The following PITPNC1 variants were observed in gnomAD, a reference collection of about 807,000 sequenced individuals.
PITPNC1 encodes the protein cytoplasmic phosphatidylinositol transfer protein 1.
A neutral mutation model predicts 44.7 loss-of-function variants in PITPNC1; 18 were observed. The ratio of observed to expected loss-of-function variants is 0.40; its 90% confidence interval spans 0.28 to 0.60. The LOEUF is 0.60. Ranked by LOEUF, PITPNC1 falls within the 20% of genes least tolerant of loss-of-function variation. The pLI, the probability that PITPNC1 is intolerant of heterozygous loss-of-function variation, is 0.39. For missense variants in PITPNC1, 290 were observed against 418.4 expected (o/e 0.69, Z 2.68); for synonymous variants, 141 against 149.6 (o/e 0.94, Z 0.42).
chr17:67,590,071 C>T (rs187143457), intron 5 of PITPNC1, among the ~76,000 whole-genome samples: 4 of 152,012 alleles, frequency 2.6e-5, no homozygotes, highest in African/African-American at 4.8e-5. Flanking sequence ...TGTGTGGAAA[C>T]GGGGTAGAGA....
chr17:67,409,697 C>G (rs1366109610), intron 1 of PITPNC1, among the ~76,000 whole-genome samples: 1 of 151,940 alleles, frequency 6.6e-6, no homozygotes, highest in East Asian at 1.9e-4. Context: ...CGCCACCACG[C>G]CCAGCTAATT....
At chr17:67,394,575 A>T (rs887476420) in intron 1 of PITPNC1, among the ~76,000 whole-genome samples, 1 of 152,156 alleles carries the variant, frequency 6.6e-6, no homozygotes, top group Non-Finnish European at 1.5e-5. Flanking sequence ...CTCTATTTGT[A>T]GACATCACTA....
At chr17:67,560,569 G>A (rs1375564624) in intron 4 of PITPNC1, among the ~76,000 whole-genome samples, 3 of 152,178 alleles carry the variant, frequency 2.0e-5, no homozygotes, top group Non-Finnish European at 4.4e-5. Context: ...TTGTATGGAC[G>A]AGCCAGTTGC....
At chr17:67,402,239 A>G (rs772338660) in intron 1 of PITPNC1, among the ~76,000 whole-genome samples, 7 of 152,236 alleles carry the variant, frequency 4.6e-5, no homozygotes, top group Non-Finnish European at 1.0e-4. Context: ...ATGCCACGAA[A>G]TATTATGTGC....
At chr17:67,462,044 T>A (rs191076692) in intron 1 of PITPNC1, among the ~76,000 whole-genome samples, 66 of 152,186 alleles carry the variant, frequency 4.3e-4, no homozygotes, top group African/African-American at 1.3e-3. Flanking sequence ...ATGTCCCATT[T>A]GCTTTCACAA....
intron 1 of PITPNC1, among the ~76,000 whole-genome samples, chr17:67,424,159 G>GAA (rs974031689): frequency 2.6e-5 from 4 of 151,082 alleles, no homozygotes; most frequent in African/African-American, 9.7e-5. Flanking sequence ...GATGGACAGA[G>GAA]AAAAAGCAGG....
chr17:67,419,569 C>T (rs1348213258), intron 1 of PITPNC1, among the ~76,000 whole-genome samples: 1 of 152,000 alleles, frequency 6.6e-6, no homozygotes, highest in Non-Finnish European at 1.5e-5. Flanking sequence ...AGGGAAGACA[C>T]TCTTTTTCCT....
intron 7 of PITPNC1, among the ~76,000 whole-genome samples, chr17:67,674,414 G>T (rs2042567025): frequency 6.6e-6 from 1 of 150,614 alleles, no homozygotes; most frequent in Admixed American, 6.7e-5. Flanking sequence ...TAAGGCACAA[G>T]AATCGCTTAA....
At chr17:67,689,037 T>A (rs1248263541) in intron 8 of PITPNC1, among the ~76,000 whole-genome samples, 1 of 152,118 alleles carries the variant, frequency 6.6e-6, no homozygotes, top group African/African-American at 2.4e-5. Context: ...ACCCCGTCTC[T>A]ACTAAAAATA....
chr17:67,470,749 G>T (rs1487585228), intron 1 of PITPNC1, among the ~76,000 whole-genome samples: 1 of 151,960 alleles, frequency 6.6e-6, no homozygotes, highest in Non-Finnish European at 1.5e-5. Flanking sequence ...TGGCGGCTTT[G>T]TGGAATAGAA....
intron 1 of PITPNC1, among the ~76,000 whole-genome samples, chr17:67,438,969 T>TAAAA (rs888904773): frequency 6.6e-6 from 1 of 152,088 alleles, no homozygotes; most frequent in Admixed American, 6.6e-5. Context: ...TTTTTTAAAT[T>TAAAA]AAAAAAATGA....
At chr17:67,541,966 T>G (rs1294402015) in intron 2 of PITPNC1, among the ~76,000 whole-genome samples, 1 of 152,174 alleles carries the variant, frequency 6.6e-6, no homozygotes. Context: ...TCAGCAAGAG[T>G]GAGACCCTGT....
At position 67,578,208 on chromosome 17, in the gene PITPNC1, C is replaced by T; in HGVS notation, c.317C>T (p.Ser106Phe). The T allele has an allele frequency of 6.2e-7, 1 of 1,612,474 alleles. No homozygotes were observed. The highest frequency in any genetic ancestry group is 2.2e-5 in the East Asian group (1 of 44,886). Residue 106 changes from serine to phenylalanine, a missense_variant, in exon 5 of 9, where the codon TCC becomes TTC. Physicochemically the swap from Ser to Phe is radical, Grantham distance 155. Transcript: ENST00000581322. ...CAGTGTTCCTTTCTGCCGAAATTCT[C>T]CATTCATATAGAAACCAAGTATGAG... ...EYTCSFLPKFSIHIETKYEDN... is the reference protein window; with the variant it reads ...EYTCSFLPKFFIHIETKYEDN...
At chr17:67,463,904 A>C (rs914331905) in intron 1 of PITPNC1, among the ~76,000 whole-genome samples, 2 of 151,806 alleles carry the variant, frequency 1.3e-5, no homozygotes, top group African/African-American at 4.8e-5. Context: ...AAAAAAGAAA[A>C]AAAAAAGAGC....
chr17:67,481,618 G>C (rs1291317189), intron 1 of PITPNC1, among the ~76,000 whole-genome samples: 1 of 152,080 alleles, frequency 6.6e-6, no homozygotes, highest in Admixed American at 6.5e-5. Context: ...TTACAGGCAT[G>C]AGCTACCATG....
In PITPNC1 at chr17:67,407,371, G is replaced by A. The variant is rs1567977861; in HGVS notation, c.48+29169G>A. On this transcript the variant is annotated intron_variant, in intron 1 of 8. Coordinates refer to ENST00000581322, the MANE Select transcript of PITPNC1 (RefSeq NM_012417.4). ...GTTGGGTTACATGTCTTCTTTTGTT[G>A]AGTTGTAAAACTTCCTTATATGTTC... Among the ~76,000 whole-genome samples, 3 of 152,118 alleles carry A rather than the reference G, an allele frequency of 2.0e-5. No homozygotes were observed. In the East Asian group the frequency reaches 5.8e-4, roughly 29 times the overall value.
At chr17:67,575,794 C>CT (rs2041134479) in intron 4 of PITPNC1, among the ~76,000 whole-genome samples, 32 of 17,356 alleles carry the variant, frequency 1.8e-3, no homozygotes, top group African/African-American at 3.2e-3. Flanking sequence ...TTCTTTCTTT[C>CT]CTTCTTTCTT....
At chr17:67,423,376 G>T (rs1300616077) in intron 1 of PITPNC1, among the ~76,000 whole-genome samples, 1 of 152,128 alleles carries the variant, frequency 6.6e-6, no homozygotes, top group Non-Finnish European at 1.5e-5. Context: ...CTTGGGAGAG[G>T]GGGATGATAT....
In PITPNC1 at chr17:67,593,638, A is replaced by G. The variant is rs149099746; in HGVS notation, c.366+15381A>G. Among the ~76,000 whole-genome samples, 827 of 152,302 alleles carry G rather than the reference A, an allele frequency of 5.4e-3. 4 individuals carry two copies. Among genetic ancestry groups the G allele is most frequent in the Non-Finnish European group, 9.3e-3 (636 of 68,034 alleles). ...GGTCTCAAACTCCTGGGCTCAAGCAATCTGCCCTCCTTGACCTTCTAAAGT... is the reference window on the plus strand; with the variant it reads ...GGTCTCAAACTCCTGGGCTCAAGCAGTCTGCCCTCCTTGACCTTCTAAAGT... On this transcript the variant is annotated intron_variant, in intron 5 of 8. Transcript: ENST00000581322.
Sources: allele counts gnomAD v4.1 joint callset (sites outside exome capture counted in the v4.1 genomes callset), GRCh38; gene constraint gnomAD v4.1.1; transcripts MANE v1.5; gene names NCBI Gene and HGNC (gene_info 2026-07-23, HGNC 2026-07-21).